The following ARRB1 variants were observed in gnomAD, a reference collection of about 807,000 sequenced individuals.
ARRB1 encodes the protein beta-arrestin-1.
ARRB1 carries 21 observed loss-of-function variants against 56.8 expected under a neutral mutation model. The ratio of observed to expected loss-of-function variants is 0.37; its 90% CI spans 0.26 to 0.53. ARRB1 has a LOEUF of 0.53. Ranked by LOEUF, ARRB1 falls within the 20% of genes least tolerant of loss-of-function variation. ARRB1 has a pLI of 0.88. For synonymous variants in ARRB1, 210 were observed against 218.6 expected (o/e 0.96, Z 0.35); for missense variants, 424 against 553.7 (o/e 0.77, Z 2.35).
intron 1 of ARRB1, among the ~76,000 whole-genome samples, chr11:75,291,567 T>C (rs895483311): frequency 2.0e-5 from 3 of 152,118 alleles, no homozygotes; most frequent in Non-Finnish European, 2.9e-5. Context: ...CCGTATCTCC[T>C]CCTGCCCTCT....
rs1945796906 is a variant in ARRB1 at position 75,261,783 on chromosome 11, G to T, written c.*4380C>A. The stretch of plus-strand genomic sequence containing the variant: ...AGAGATGGAGCTGCCTGGGCCAGGA[G>T]GAAACACCAAGCCCAGTGCAGGCCG... On this transcript the variant is annotated 3_prime_UTR_variant, in exon 16 of 16. Transcript: ENST00000420843. The T allele has an allele frequency of 6.6e-6, 1 of 152,274 alleles. No individual in the cohort carries two copies. Among genetic ancestry groups the T allele is most frequent in the Admixed American group, 6.5e-5 (1 of 15,284 alleles). The allele number at this position is 152,274 out of a possible 1,614,324, so 9.4% of individuals were successfully genotyped here.
At chr11:75,317,335 C>T (rs1947281399) in intron 1 of ARRB1, among the ~76,000 whole-genome samples, 1 of 152,104 alleles carries the variant, frequency 6.6e-6, no homozygotes, top group Admixed American at 6.5e-5. Context: ...TCCAGGTGCT[C>T]TCCCCTCCCA....
intron 12 of ARRB1, among the ~76,000 whole-genome samples, chr11:75,272,031 A>T (rs1475025881): frequency 6.6e-6 from 1 of 152,224 alleles, no homozygotes; most frequent in Admixed American, 6.5e-5. Flanking sequence ...AGGCCGGACT[A>T]TCTAAAGGCA....
chr11:75,276,226 T>C (rs931852594), intron 10 of ARRB1, among the ~76,000 whole-genome samples: 1 of 150,438 alleles, frequency 6.6e-6, no homozygotes, highest in African/African-American at 2.4e-5. Flanking sequence ...AAAAAAAATG[T>C]GTATGTCTTT....
intron 1 of ARRB1, among the ~76,000 whole-genome samples, chr11:75,318,878 C>T (rs1947303922): frequency 6.6e-6 from 1 of 152,148 alleles, no homozygotes; most frequent in Non-Finnish European, 1.5e-5. Flanking sequence ...AAACAATAGT[C>T]AGGCCCTCAG....
At chr11:75,282,115 C>T in intron 5 of ARRB1, 94 bp from the exon 6 acceptor site, 2 of 1,350,220 alleles carry the variant, frequency 1.5e-6, no homozygotes, top group Non-Finnish European at 2.1e-6. Flanking sequence ...ACCCATCAGA[C>T]CAAGGGCCCC....
At position 75,263,279 on chromosome 11, in the gene ARRB1, C is replaced by G. The variant is rs1185255559; in HGVS notation, c.*2884G>C. On this transcript the variant is annotated 3_prime_UTR_variant, in exon 16 of 16. Coordinates refer to ENST00000420843, the MANE Select transcript of ARRB1 (RefSeq NM_004041.5). Reference sequence around the variant, plus strand: ...CATGTTTGGGGGCTGGGAGGTGGTGCCTGGAGTTGACCAGAAGCTTGGAAA... The same window carrying G: ...CATGTTTGGGGGCTGGGAGGTGGTGGCTGGAGTTGACCAGAAGCTTGGAAA... Among the ~76,000 whole-genome samples the G allele has an allele frequency of 6.6e-6, 1 of 152,156 alleles. No individual in the cohort carries two copies. The highest frequency in any genetic ancestry group is 2.1e-4 in the South Asian group (1 of 4,830).
chr11:75,271,670 TG>T lies in ARRB1; in HGVS notation c.1022+30del, dbSNP rs776392603. 5.1e-6 allele frequency: 8 copies of T among 1,555,320 alleles called. No individual in the cohort carries two copies. In the South Asian group the frequency reaches 9.6e-5, roughly 19 times the overall value. ...ATGGGCTCCAGGCCCTCCAGGAAGG[TG>T]GGTGAACCAGGTGGAAGGGAGGAAT... On this transcript the variant is annotated intron_variant, in intron 13 of 15. Coordinates refer to ENST00000420843, the MANE Select transcript of ARRB1 (RefSeq NM_004041.5).
chr11:75,294,654 T>C (rs993779895), intron 1 of ARRB1, among the ~76,000 whole-genome samples: 2 of 151,720 alleles, frequency 1.3e-5, no homozygotes, highest in Non-Finnish European at 2.9e-5. Flanking sequence ...GACTAGAAAA[T>C]ATAAGCATGC....
chr11:75,316,649 G>C (rs950316042), intron 1 of ARRB1, among the ~76,000 whole-genome samples: 4 of 152,130 alleles, frequency 2.6e-5, no homozygotes, highest in Non-Finnish European at 5.9e-5. Flanking sequence ...AGGCACGATG[G>C]CTCACCCCTG....
chr11:75,285,564 T>C (rs1212397573), intron 3 of ARRB1, among the ~76,000 whole-genome samples: 2 of 152,112 alleles, frequency 1.3e-5, no homozygotes, highest in Non-Finnish European at 2.9e-5. Flanking sequence ...TGTGTGCAGG[T>C]TTGGTGGGGA....
chr11:75,262,709 C>G lies in ARRB1; in HGVS notation c.*3454G>C, dbSNP rs1024444340. ...ATTTTACAGTTAGGGAAATTGAGCC[C>G]CAGAGGTTGAGTAGCTTGCCCAAGC... On this transcript the variant is annotated 3_prime_UTR_variant, in exon 16 of 16. Transcript: ENST00000420843. Among the ~76,000 whole-genome samples the G allele has an allele frequency of 1.2e-4, 18 of 152,160 alleles. No homozygotes were observed. The highest frequency in any genetic ancestry group is 4.3e-4 in the African/African-American group (18 of 41,428).
In ARRB1 at chr11:75,266,188, C is replaced by T; in HGVS notation, c.1232G>A (p.Gly411Asp). ...DDKEEEEDGT[G>D]SPQLNNR ...CTATCTGTTGTTGAGCTGTGGAGAG[C>T]CGGTACCATCCTCCTCTTCCTCCTT... The change falls in exon 16 of 16, where the codon GGC becomes GAC. Residue 411 changes from glycine (G) to aspartate (D), a missense_variant. Physicochemically the swap from Gly to Asp is moderately conservative, Grantham distance 94. Transcript: ENST00000420843. The T allele has an allele frequency of 6.2e-7, 1 of 1,614,204 alleles. No individual in the cohort carries two copies. The highest frequency in any genetic ancestry group is 1.3e-5 in the African/African-American group (1 of 75,058).
At chr11:75,305,822 C>G (rs1175757658) in intron 1 of ARRB1, among the ~76,000 whole-genome samples, 1 of 152,156 alleles carries the variant, frequency 6.6e-6, no homozygotes, top group African/African-American at 2.4e-5. Flanking sequence ...ACACACACAT[C>G]TTGTCTACAA....
intron 1 of ARRB1, among the ~76,000 whole-genome samples, chr11:75,292,448 C>G (rs900966721): frequency 6.6e-6 from 1 of 152,176 alleles, no homozygotes; most frequent in Non-Finnish European, 1.5e-5. Flanking sequence ...GCTTCCTTCT[C>G]ATAAATATTT....
intron 1 of ARRB1, among the ~76,000 whole-genome samples, chr11:75,344,030 T>C (rs929554949): frequency 5.9e-5 from 9 of 152,116 alleles, no homozygotes; most frequent in Non-Finnish European, 1.2e-4. Context: ...TTAGCCAGGA[T>C]GGTCTCGAAC....
In ARRB1 at chr11:75,314,780, T is replaced by C. The variant is rs542542254; in HGVS notation, c.21-24741A>G. Among the ~76,000 whole-genome samples, 11 of 151,330 alleles carry C rather than the reference T, an allele frequency of 7.3e-5. No individual in the cohort carries two copies. In the South Asian group the frequency reaches 2.3e-3, roughly 31 times the overall value. ...CACCACCACACCCAGCTCATTTTTG[T>C]ATTTTTTGTAGCGATGGGGTTTCAC... On this transcript the variant is annotated intron_variant, in intron 1 of 15. Transcript: ENST00000420843.
intron 14 of ARRB1, among the ~76,000 whole-genome samples, chr11:75,268,510 CAAAAAAAAAAAAAA>C (rs61409833): frequency 3.3e-5 from 2 of 61,448 alleles, no homozygotes; most frequent in Middle Eastern, 0.013. Context: ...GTCTCAAAAC[CAAAAAAAAAAAAAA>C]AAAAAAAAAA....
chr11:75,284,419 G>T, intron 3 of ARRB1, 140 bp from the exon 4 acceptor site: 1 of 816,182 alleles, frequency 1.2e-6, no homozygotes, highest in Non-Finnish European at 1.8e-6. Context: ...CGGGCACCTA[G>T]AGGGTGGCAC....
Sources: gnomAD v4.1 joint callset for allele counts (sites outside exome capture counted in the v4.1 genomes callset) on GRCh38, gnomAD v4.1.1 for gene constraint, MANE v1.5 for transcripts, NCBI Gene and HGNC (gene_info 2026-07-23, HGNC 2026-07-21) for gene names.